DCC: variants seen among roughly 807,000 people sequenced by gnomAD.
The protein encoded by DCC is DCC netrin 1 receptor, also known as netrin receptor DCC.
Under a neutral mutation model 172.5 loss-of-function variants are expected in DCC, and 58 were observed. The ratio of observed to expected loss-of-function variants is 0.34; its 90% CI spans 0.27 to 0.42. The LOEUF is 0.42. DCC is among the 10% of genes least tolerant of loss of function. DCC has a pLI of 1.00. For missense variants in DCC, 1,740 were observed against 1,791.0 expected, an observed-to-expected ratio of 0.97 and a Z score of 0.51; for synonymous variants, 709 against 644.5, an observed-to-expected ratio of 1.10 and a Z score of -1.52.
intron 15 of DCC, among the ~76,000 whole-genome samples, chr18:53,366,996 G>A (rs186911813): frequency 6.6e-6 from 1 of 152,208 alleles, no homozygotes. Context: ...GCTGCATTTT[G>A]GTGTTTCTTT....
At chr18:53,468,633 TCAG>T (rs1470890374) in intron 25 of DCC, among the ~76,000 whole-genome samples, 1 of 152,122 alleles carries the variant, frequency 6.6e-6, no homozygotes, top group African/African-American at 2.4e-5. Flanking sequence ...TCCGTCTTCT[TCAG>T]CCTCCCAAAG....
At chr18:52,544,668 A>G (rs1416117300) in intron 1 of DCC, among the ~76,000 whole-genome samples, 1 of 152,188 alleles carries the variant, frequency 6.6e-6, no homozygotes, top group Non-Finnish European at 1.5e-5. Flanking sequence ...GTGGGACTTT[A>G]GCCACCTGTA....
At chr18:53,019,770 A>G (rs1290117777) in intron 5 of DCC, among the ~76,000 whole-genome samples, 5 of 152,246 alleles carry the variant, frequency 3.3e-5, no homozygotes, top group Admixed American at 6.5e-5. Context: ...AGCTAGGGTC[A>G]TTTGTTTACT....
chr18:52,767,138 C>T (rs1013790247), intron 2 of DCC, among the ~76,000 whole-genome samples: 2 of 147,084 alleles, frequency 1.4e-5, no homozygotes, highest in African/African-American at 5.4e-5. Flanking sequence ...TTATATTTAT[C>T]TTTTTAAAGT....
intron 25 of DCC, among the ~76,000 whole-genome samples, chr18:53,472,730 C>T (rs573571427): frequency 1.3e-5 from 2 of 152,268 alleles, no homozygotes; most frequent in African/African-American, 4.8e-5. Flanking sequence ...CTTCCCGGCT[C>T]TAGCATCTTC....
intron 1 of DCC, among the ~76,000 whole-genome samples, chr18:52,746,201 T>C (rs1756042873): frequency 6.6e-6 from 1 of 152,220 alleles, no homozygotes; most frequent in Non-Finnish European, 1.5e-5. Flanking sequence ...TGTGGTAGCA[T>C]CTATTTCTAA....
intron 7 of DCC, among the ~76,000 whole-genome samples, chr18:53,142,906 T>A (rs2043852060): frequency 6.6e-6 from 1 of 152,212 alleles, no homozygotes; most frequent in Non-Finnish European, 1.5e-5. Context: ...TTTCCCTTTT[T>A]TCTTGACCTT....
intron 15 of DCC, among the ~76,000 whole-genome samples, chr18:53,371,985 G>C (rs1016755712): frequency 6.6e-6 from 1 of 152,086 alleles, no homozygotes; most frequent in Non-Finnish European, 1.5e-5. Flanking sequence ...AGGTTGTGGA[G>C]AGAAAGAAAC....
chr18:53,532,208 A>G lies in DCC; in HGVS notation c.*1555A>G, dbSNP rs896430724. The G allele has an allele frequency of 1.3e-5, 2 of 152,240 alleles. No homozygotes were observed. The highest frequency in any genetic ancestry group is 4.8e-5 in the African/African-American group (2 of 41,466). The allele number at this position is 152,240 out of a possible 1,614,324, so 9.4% of individuals were successfully genotyped here. A position where few individuals can be genotyped will look rare whatever the true frequency, so the allele number is the denominator to read the frequency against. On this transcript the variant is annotated 3_prime_UTR_variant, in exon 29 of 29. Transcript: ENST00000442544. Reference sequence around the variant, plus strand: ...AATTTTAAAAGAGCATGGAAGGGATAGGATCTTTACAACCTAATAGCTCCT... The same window carrying G: ...AATTTTAAAAGAGCATGGAAGGGATGGGATCTTTACAACCTAATAGCTCCT...
intron 5 of DCC, among the ~76,000 whole-genome samples, chr18:52,967,182 A>G (rs1598980473): frequency 6.6e-6 from 1 of 152,136 alleles, no homozygotes; most frequent in African/African-American, 2.4e-5. Context: ...AAACCACACA[A>G]TTTATTACTT....
intron 1 of DCC, among the ~76,000 whole-genome samples, chr18:52,568,990 A>G (rs1215973783): frequency 6.6e-6 from 1 of 152,236 alleles, no homozygotes; most frequent in Admixed American, 6.5e-5. Context: ...GAGATACAGG[A>G]CTAACACTTA....
intron 12 of DCC, among the ~76,000 whole-genome samples, chr18:53,273,069 A>G (rs1303210468): frequency 6.6e-6 from 1 of 152,166 alleles, no homozygotes; most frequent in Non-Finnish European, 1.5e-5. Flanking sequence ...GAAATAATTT[A>G]GCTTGATTAT....
chr18:52,597,778 C>T (rs1356546005), intron 1 of DCC, among the ~76,000 whole-genome samples: 1 of 152,176 alleles, frequency 6.6e-6, no homozygotes, highest in Non-Finnish European at 1.5e-5. Flanking sequence ...TATTAATGAT[C>T]TTCAAGCAAG....
At chr18:52,740,381 C>A (rs1044835431) in intron 1 of DCC, among the ~76,000 whole-genome samples, 1 of 152,132 alleles carries the variant, frequency 6.6e-6, no homozygotes, top group Non-Finnish European at 1.5e-5. Context: ...AAAAATATCA[C>A]CTTTCTATTG....
intron 17 of DCC, among the ~76,000 whole-genome samples, chr18:53,392,854 A>T (rs1211838613): frequency 6.6e-6 from 1 of 152,246 alleles, no homozygotes; most frequent in Non-Finnish European, 1.5e-5. Context: ...TATTTGAGAG[A>T]TATAATGTAT....
intron 3 of DCC, among the ~76,000 whole-genome samples, chr18:52,921,264 T>C (rs1381590636): frequency 6.6e-6 from 1 of 152,202 alleles, no homozygotes; most frequent in Non-Finnish European, 1.5e-5. Context: ...AGAAACTGCA[T>C]TGCAAGGGAT....
At chr18:53,106,544 A>T (rs1313960995) in intron 7 of DCC, among the ~76,000 whole-genome samples, 1 of 151,846 alleles carries the variant, frequency 6.6e-6, no homozygotes, top group African/African-American at 2.4e-5. Context: ...GAGATAATTC[A>T]CTCTGAGACT....
chr18:53,062,277 A>G (rs2042506028), intron 5 of DCC, among the ~76,000 whole-genome samples: 1 of 152,096 alleles, frequency 6.6e-6, no homozygotes, highest in South Asian at 2.1e-4. Flanking sequence ...TGTCAGGAGA[A>G]AGTTTTTCTG....
intron 1 of DCC, among the ~76,000 whole-genome samples, chr18:52,528,285 T>C (rs1475225865): frequency 1.3e-5 from 2 of 152,314 alleles, no homozygotes; most frequent in East Asian, 3.9e-4. Context: ...CTGATACATA[T>C]GTGCATATAT....
Sources: gnomAD v4.1 joint callset for allele counts (sites outside exome capture counted in the v4.1 genomes callset) on GRCh38, gnomAD v4.1.1 for gene constraint, MANE v1.5 for transcripts, NCBI Gene and HGNC (gene_info 2026-07-23, HGNC 2026-07-21) for gene names.